Variants in SNTG1 observed in about 807,000 individuals in gnomAD.
SNTG1 encodes the protein syntrophin gamma 1.
Under a neutral mutation model 74.7 loss-of-function variants are expected in SNTG1, and 39 were observed. That is an observed-to-expected ratio of 0.52 (90% CI 0.40 to 0.68). The LOEUF (loss-of-function observed/expected upper bound fraction) is 0.68. Among genes scored for constraint, SNTG1 ranks in the 30% least tolerant of loss-of-function variants. The pLI is 0.00. For synonymous variants in SNTG1, 254 were observed against 217.1 expected, an observed-to-expected ratio of 1.17 and a Z score of -1.49; for missense variants, 685 against 609.5, an observed-to-expected ratio of 1.12 and a Z score of -1.30.
chr8:50,705,865 C>A (rs2095441764), intron 16 of SNTG1, among the ~76,000 whole-genome samples: 1 of 152,138 alleles, frequency 6.6e-6, no homozygotes, highest in African/African-American at 2.4e-5. Flanking sequence ...GACCTGTGGA[C>A]AAATTAAAAG....
chr8:49,912,280 T>C (rs1209406922), intron 1 of SNTG1, 49 bp downstream of exon 1: 3 of 152,248 alleles, frequency 2.0e-5, no homozygotes, highest in African/African-American at 7.2e-5. Flanking sequence ...TAATGACTTG[T>C]CTTATGGTTT....
At chr8:50,247,974 G>A (rs1400354295) in intron 2 of SNTG1, among the ~76,000 whole-genome samples, 2 of 152,086 alleles carry the variant, frequency 1.3e-5, no homozygotes, top group Non-Finnish European at 1.5e-5. Context: ...TCAGTTCTGG[G>A]ACTCTTTCCT....
At position 50,223,787 on chromosome 8, in the gene SNTG1, C is replaced by T. The variant is rs28524768; in HGVS notation, c.-28+51152C>T. Among the ~76,000 whole-genome samples the T allele has an allele frequency of 8.2e-3, 1,246 of 151,792 alleles. 19 individuals are homozygous for T. The highest frequency in any genetic ancestry group is 0.029 in the African/African-American group (1,196 of 41,414). On this transcript the variant is annotated intron_variant, in intron 2 of 18. Coordinates refer to ENST00000642720, the MANE Select transcript of SNTG1 (RefSeq NM_018967.5). ...TAGAGAAGAATAATTTTTTTAAATCCCTGTAAATTCAGGAACATGACAAAA... is the reference window on the plus strand; with the variant it reads ...TAGAGAAGAATAATTTTTTTAAATCTCTGTAAATTCAGGAACATGACAAAA...
rs2095635095 is a variant in SNTG1, at chr8:50,774,518, A to T, written c.1396-18153A>T. Among the ~76,000 whole-genome samples, 4 of 151,836 alleles carry T rather than the reference A, an allele frequency of 2.6e-5. No individual in the cohort carries two copies. In the South Asian group the frequency reaches 8.3e-4, roughly 31 times the overall value. ...TTATTTAGTGAAACTCTCCTTCCAA[A>T]GTGGAGGAGAATTAAGTCATTATTA... On this transcript the variant is annotated intron_variant, in intron 18 of 18. Coordinates refer to ENST00000642720, the MANE Select transcript of SNTG1 (RefSeq NM_018967.5).
chr8:50,053,657 G>GTGTGTGTGTA (rs1554560656), intron 1 of SNTG1, among the ~76,000 whole-genome samples: 1 of 148,860 alleles, frequency 6.7e-6, no homozygotes, highest in African/African-American at 2.5e-5. Context: ...GTGTGTGTGT[G>GTGTGTGTGTA]TATAATCCAG....
intron 1 of SNTG1, among the ~76,000 whole-genome samples, chr8:49,912,695 C>T (rs1390505937): frequency 6.6e-6 from 1 of 152,144 alleles, no homozygotes; most frequent in Non-Finnish European, 1.5e-5. Flanking sequence ...TACATGTATA[C>T]ATATACACCA....
intron 17 of SNTG1, among the ~76,000 whole-genome samples, chr8:50,734,629 C>T (rs929646836): frequency 1.5e-4 from 22 of 148,934 alleles, no homozygotes; most frequent in South Asian, 2.1e-4. Context: ...CTCTCTCTTT[C>T]GCTCTCTCAT....
At position 50,199,209 on chromosome 8, in the gene SNTG1, C is replaced by T. The variant is rs933352463; in HGVS notation, c.-28+26574C>T. On this transcript the variant is annotated intron_variant, in intron 2 of 18. Coordinates refer to ENST00000642720, the MANE Select transcript of SNTG1 (RefSeq NM_018967.5). ...GAATGTTGAAACACAACGATTAGGA[C>T]TTAATTTCCTTTTTTTTTTTTTTTT... 2.7e-5 allele frequency among the ~76,000 whole-genome samples: 4 copies of T among 145,892 alleles called. No homozygotes were observed. In the East Asian group the frequency reaches 8.0e-4, roughly 29 times the overall value.
At chr8:50,489,886 G>A (rs188361889) in intron 8 of SNTG1, among the ~76,000 whole-genome samples, 1 of 152,018 alleles carries the variant, frequency 6.6e-6, no homozygotes, top group Non-Finnish European at 1.5e-5. Flanking sequence ...TTTCTTCTAG[G>A]ATTTTCATGG....
At chr8:50,531,147 C>T (rs967098319) in intron 10 of SNTG1, among the ~76,000 whole-genome samples, 2 of 152,152 alleles carry the variant, frequency 1.3e-5, no homozygotes, top group Non-Finnish European at 2.9e-5. Flanking sequence ...TCCTGAATGG[C>T]TTTCACGGTA....
At chr8:50,314,960 C>T (rs2090260166) in intron 2 of SNTG1, among the ~76,000 whole-genome samples, 1 of 149,490 alleles carries the variant, frequency 6.7e-6, no homozygotes, top group Non-Finnish European at 1.5e-5. Flanking sequence ...CCTTATGGTA[C>T]TGGTTCTAAC....
intron 1 of SNTG1, among the ~76,000 whole-genome samples, chr8:49,948,260 A>G (rs1431920264): frequency 6.6e-6 from 1 of 152,228 alleles, no homozygotes; most frequent in African/African-American, 2.4e-5. Flanking sequence ...AAAATCTAAC[A>G]TTAACTCAAT....
chr8:50,553,222 C>A (rs1179356821), intron 12 of SNTG1, 43 bp downstream of exon 12: 1 of 1,610,762 alleles, frequency 6.2e-7, no homozygotes, highest in Admixed American at 1.7e-5. Context: ...GTTTCTCAGG[C>A]TTTATAAAAT....
chr8:50,204,759 C>T (rs2084137224), intron 2 of SNTG1, among the ~76,000 whole-genome samples: 1 of 151,994 alleles, frequency 6.6e-6, no homozygotes, highest in Non-Finnish European at 1.5e-5. Context: ...GTGATGTTCC[C>T]CACTCTGTGT....
intron 15 of SNTG1, among the ~76,000 whole-genome samples, chr8:50,675,570 C>A (rs1315744666): frequency 6.6e-6 from 1 of 151,744 alleles, no homozygotes; most frequent in Non-Finnish European, 1.5e-5. Context: ...TGAGATGGTT[C>A]TCCTGAATAC....
At chr8:50,608,591 A>C (rs1242471378) in intron 13 of SNTG1, among the ~76,000 whole-genome samples, 1 of 151,836 alleles carries the variant, frequency 6.6e-6, no homozygotes, top group Non-Finnish European at 1.5e-5. Flanking sequence ...TTCCAATGGT[A>C]AATCAAATGC....
At chr8:50,124,276 G>A (rs1202773499) in intron 1 of SNTG1, among the ~76,000 whole-genome samples, 2 of 141,786 alleles carry the variant, frequency 1.4e-5, no homozygotes, top group African/African-American at 2.6e-5. Context: ...AAACCAACCC[G>A]CTGACACATC....
intron 2 of SNTG1, among the ~76,000 whole-genome samples, chr8:50,293,342 G>T (rs928312288): frequency 7.3e-5 from 11 of 151,066 alleles, no homozygotes; most frequent in African/African-American, 2.7e-4. Flanking sequence ...ACGTGTCTGT[G>T]TCCTAATCTC....
intron 1 of SNTG1, among the ~76,000 whole-genome samples, chr8:50,039,657 ATAGAG>A (rs1376555082): frequency 1.3e-5 from 2 of 151,718 alleles, no homozygotes; most frequent in African/African-American, 4.8e-5. Flanking sequence ...TTTTTTGCCT[ATAGAG>A]TATATTCCCT....
Sources: gnomAD v4.1 joint callset for allele counts (sites outside exome capture counted in the v4.1 genomes callset) on GRCh38, gnomAD v4.1.1 for gene constraint, MANE v1.5 for transcripts, NCBI Gene and HGNC (gene_info 2026-07-23, HGNC 2026-07-21) for gene names.